DGCR2: variants seen among roughly 807,000 people sequenced by gnomAD.
DGCR2 encodes integral membrane protein DGCR2/IDD.
A neutral mutation model predicts 51.6 loss-of-function variants in DGCR2; 24 were observed. That is an observed-to-expected ratio of 0.47 (90% CI 0.34 to 0.65). The LOEUF is 0.65. Among genes scored for constraint, DGCR2 ranks in the 30% least tolerant of loss-of-function variants. DGCR2 has a pLI of 0.01. For missense variants in DGCR2, 765 were observed against 772.1 expected, an observed-to-expected ratio of 0.99 and a Z score of 0.11; for synonymous variants, 340 against 315.4, an observed-to-expected ratio of 1.08 and a Z score of -0.82.
At chr22:19,114,038 A>G (rs1892202) in intron 1 of DGCR2, among the ~76,000 whole-genome samples, 45,542 of 146,528 alleles carry the variant, frequency 0.31, 8,138 homozygotes, top group African/African-American at 0.48. Flanking sequence ...CAGCCTGGGC[A>G]ACAAAAGCAA....
chr22:19,038,824 A>G lies in DGCR2; in HGVS notation c.*41T>C, dbSNP rs73384826. ...CCCAGGGACCGGTGTTTTCTACAAC[A>G]GACAGGTGCTCCCAGACCGTTGGGG... On this transcript the variant is annotated 3_prime_UTR_variant, in exon 10 of 10. Transcript: ENST00000263196. 660 of 1,592,578 alleles carry G rather than the reference A, an allele frequency of 4.1e-4. 1 individual carries two copies. In the African/African-American group the frequency reaches 8.3e-3, roughly 20 times the overall value.
At chr22:19,055,344 A>T (rs2082589888) in intron 6 of DGCR2, among the ~76,000 whole-genome samples, 1 of 152,208 alleles carries the variant, frequency 6.6e-6, no homozygotes. Context: ...CCAGCAACCT[A>T]GGAATAGGTA....
chr22:19,081,462 T>A (rs576347459), intron 2 of DGCR2, among the ~76,000 whole-genome samples: 56 of 152,378 alleles, frequency 3.7e-4, no homozygotes, highest in African/African-American at 1.3e-3. Flanking sequence ...TTCATCCATG[T>A]TGCTGCATAA....
At chr22:19,074,790 C>G (rs2082856185) in intron 2 of DGCR2, among the ~76,000 whole-genome samples, 1 of 152,176 alleles carries the variant, frequency 6.6e-6, no homozygotes, top group Non-Finnish European at 1.5e-5. Flanking sequence ...CTCTACAGAT[C>G]TGGGATGCCC....
In DGCR2 at chr22:19,122,410, G is replaced by T; in HGVS notation, c.-204C>A. The T allele has an allele frequency of 2.4e-6, 1 of 414,428 alleles. No homozygotes were observed. The highest frequency in any genetic ancestry group is 2.1e-5 in the African/African-American group (1 of 47,536). 25.7% of individuals were successfully genotyped at this position (414,428 alleles called of 1,614,324 possible). A position where few individuals can be genotyped will look rare whatever the true frequency, so the allele number is the denominator to read the frequency against. On this transcript the variant is annotated 5_prime_UTR_variant, in exon 1 of 10. Coordinates refer to ENST00000263196, the MANE Select transcript of DGCR2 (RefSeq NM_005137.3). ...AGGCACCGACTCCAGCTGCGCGCAAGATGGCGGCCGTCCTGCTCGGCTCCG... is the reference window on the plus strand; with the variant it reads ...AGGCACCGACTCCAGCTGCGCGCAATATGGCGGCCGTCCTGCTCGGCTCCG...
chr22:19,065,195 G>A (rs942134541), intron 3 of DGCR2, 128 bp from the exon 4 acceptor site: 2 of 769,448 alleles, frequency 2.6e-6, no homozygotes, highest in African/African-American at 1.7e-5. Flanking sequence ...TGAGGCTCAA[G>A]AGGACAAGGT....
intron 5 of DGCR2, 43 bp downstream of exon 5, chr22:19,063,159 C>T (rs963352865): frequency 1.9e-6 from 3 of 1,585,204 alleles, no homozygotes; most frequent in Non-Finnish European, 2.6e-6. Context: ...ATCAGGGTGA[C>T]TCTGCCCAGC....
intron 7 of DGCR2, chr22:19,047,318 T>C (rs1234614252): frequency 6.6e-6 from 1 of 152,218 alleles, no homozygotes; most frequent in Non-Finnish European, 1.5e-5. Context: ...AGCCCCCCAG[T>C]GTGGAGGGAC....
chr22:19,069,116 A>G (rs1010466349), intron 2 of DGCR2, among the ~76,000 whole-genome samples: 2 of 152,238 alleles, frequency 1.3e-5, no homozygotes, highest in African/African-American at 4.8e-5. Flanking sequence ...GGCATCGGGT[A>G]CAAGGTCAGG....
intron 1 of DGCR2, among the ~76,000 whole-genome samples, chr22:19,115,657 G>A (rs1324139565): frequency 6.6e-6 from 1 of 152,220 alleles, no homozygotes; most frequent in Non-Finnish European, 1.5e-5. Flanking sequence ...TGCCTGACCA[G>A]GCCCAGGTGA....
At chr22:19,072,677 A>G (rs2082828129) in intron 2 of DGCR2, among the ~76,000 whole-genome samples, 2 of 152,136 alleles carry the variant, frequency 1.3e-5, no homozygotes, top group Admixed American at 6.5e-5. Flanking sequence ...GATCAAGACC[A>G]TCCTGGCCAA....
Position 19,068,199 on chromosome 22 carries a change from G to A in DGCR2, c.229C>T (p.His77Tyr). Residue 77 changes from histidine (H) to tyrosine (Y), a missense_variant, in exon 3 of 10, where the codon CAT becomes TAT. Physicochemically the swap from His to Tyr is moderately conservative, Grantham distance 83. Coordinates refer to ENST00000263196, the MANE Select transcript of DGCR2 (RefSeq NM_005137.3). ...PEVTGEVRPH[H>Y]GKEAVDPRQG... is the part of the protein sequence containing the mutation. Reference sequence around the variant, plus strand: ...CGCGGATCCACAGCCTCCTTCCCATGATGAGGACGCACCTCCCCGGTCACT... The same window carrying A: ...CGCGGATCCACAGCCTCCTTCCCATAATGAGGACGCACCTCCCCGGTCACT... 6.2e-7 allele frequency: 1 copy of A among 1,609,644 alleles called. No homozygotes were observed. The highest frequency in any genetic ancestry group is 8.5e-7 in the Non-Finnish European group (1 of 1,178,188).
At chr22:19,067,954 C>T in intron 3 of DGCR2, 146 bp downstream of exon 3, 1 of 1,170,858 alleles carries the variant, frequency 8.5e-7, no homozygotes, top group Non-Finnish European at 1.1e-6. Context: ...GCGGGTGGGT[C>T]ATCATGCAGC....
chr22:19,047,660 C>G (rs1457944015), intron 7 of DGCR2: 1 of 152,276 alleles, frequency 6.6e-6, no homozygotes, highest in African/African-American at 2.4e-5. Flanking sequence ...AGTGGCCCAC[C>G]TGCTCCTCTC....
chr22:19,078,473 C>CT (rs761277561), intron 2 of DGCR2, among the ~76,000 whole-genome samples: 15 of 152,138 alleles, frequency 9.9e-5, no homozygotes, highest in Non-Finnish European at 1.8e-4. Flanking sequence ...TCTGTGAAAT[C>CT]TTTAAGGTTT....
At chr22:19,104,628 C>T (rs1569085469) in intron 1 of DGCR2, among the ~76,000 whole-genome samples, 1 of 152,320 alleles carries the variant, frequency 6.6e-6, no homozygotes, top group East Asian at 1.9e-4. Flanking sequence ...TAGGTCTCCA[C>T]CAGAGCAGTC....
chr22:19,041,042 C>G lies in DGCR2; in HGVS notation c.1396+16G>C. The G allele has an allele frequency of 6.4e-7, 1 of 1,568,710 alleles. No individual in the cohort carries two copies. Among genetic ancestry groups the G allele is most frequent in the African/African-American group, 1.3e-5 (1 of 74,328 alleles). ...TTACTTGACAAGGTGTTCCCTCTCC[C>G]TGGGGAGTCAGGCACCTGCAGGGTC... On this transcript the variant is annotated intron_variant, in intron 9 of 9. Coordinates refer to ENST00000263196, the MANE Select transcript of DGCR2 (RefSeq NM_005137.3).
intron 1 of DGCR2, among the ~76,000 whole-genome samples, chr22:19,111,770 G>A (rs1484431864): frequency 6.6e-6 from 1 of 152,064 alleles, no homozygotes; most frequent in Non-Finnish European, 1.5e-5. Context: ...ATGAGACCCT[G>A]TTAAACCAAC....
chr22:19,064,100 G>C (rs988870942), intron 4 of DGCR2, among the ~76,000 whole-genome samples: 1 of 152,216 alleles, frequency 6.6e-6, no homozygotes, highest in African/African-American at 2.4e-5. Flanking sequence ...CCTAGTCCAT[G>C]TCCCTTGGCC....
Sources: gnomAD v4.1 joint callset for allele counts (sites outside exome capture counted in the v4.1 genomes callset) on GRCh38, gnomAD v4.1.1 for gene constraint, MANE v1.5 for transcripts, NCBI Gene and HGNC (gene_info 2026-07-23, HGNC 2026-07-21) for gene names.